Variants in PDS5A observed in about 807,000 individuals in gnomAD.
PDS5A encodes sister chromatid cohesion protein PDS5 homolog A.
A neutral mutation model predicts 167.1 loss-of-function variants in PDS5A; 42 were observed. That is an observed-to-expected ratio of 0.25 (90% CI 0.20 to 0.33). The LOEUF (loss-of-function observed/expected upper bound fraction) is 0.33, where lower values mean the gene tolerates loss of function less well. Among genes scored for constraint, PDS5A ranks in the 10% least tolerant of loss-of-function variants. PDS5A has a pLI of 1.00. For synonymous variants in PDS5A, 553 were observed against 554.6 expected (o/e 1.00, Z 0.04); for missense variants, 1,033 against 1,605.9 (o/e 0.64, Z 6.10).
chr4:39,888,008 T>C (rs544663482), intron 17 of PDS5A, among the ~76,000 whole-genome samples: 132 of 151,954 alleles, frequency 8.7e-4, no homozygotes, highest in Admixed American at 2.0e-3. Flanking sequence ...TCCCAGCACT[T>C]TGGGAGGCTG....
intron 2 of PDS5A, among the ~76,000 whole-genome samples, chr4:39,963,487 G>T (rs902616710): frequency 1.3e-5 from 2 of 151,946 alleles, no homozygotes; most frequent in African/African-American, 4.8e-5. Flanking sequence ...GCACACAGTG[G>T]CCTGTAATCC....
intron 13 of PDS5A, among the ~76,000 whole-genome samples, chr4:39,901,933 T>A (rs916697377): frequency 6.6e-6 from 1 of 152,220 alleles, no homozygotes; most frequent in Non-Finnish European, 1.5e-5. Context: ...TCAATAGTGA[T>A]CCCTTTCAGT....
At chr4:39,904,632 TACAA>T (rs1723167688) in intron 11 of PDS5A, among the ~76,000 whole-genome samples, 1 of 152,204 alleles carries the variant, frequency 6.6e-6, no homozygotes, top group African/African-American at 2.4e-5. Flanking sequence ...GCGCCCAGCC[TACAA>T]ACAATTTTGA....
chr4:39,891,795 G>A (rs138428021), intron 16 of PDS5A, among the ~76,000 whole-genome samples: 54 of 152,224 alleles, frequency 3.5e-4, no homozygotes, highest in African/African-American at 1.3e-3. Context: ...ATGGAAGGCT[G>A]ATAGATAACC....
chr4:39,974,182 A>G, intron 2 of PDS5A: 1 of 577,028 alleles, frequency 1.7e-6, no homozygotes, highest in Admixed American at 1.9e-5. Context: ...TACTGAGACC[A>G]AGTCCTCGCT....
intron 31 of PDS5A, among the ~76,000 whole-genome samples, chr4:39,841,412 C>T (rs1362197903): frequency 6.6e-6 from 1 of 152,166 alleles, no homozygotes; most frequent in African/African-American, 2.4e-5. Context: ...GCTGGGATTA[C>T]AGGCATGAGC....
chr4:39,961,984 T>C (rs935374028), intron 2 of PDS5A, among the ~76,000 whole-genome samples: 11 of 152,330 alleles, frequency 7.2e-5, no homozygotes, highest in African/African-American at 2.6e-4. Context: ...ACATTATTTC[T>C]GTTATTAAAA....
At chr4:39,959,322 C>G (rs1425117316) in intron 2 of PDS5A, among the ~76,000 whole-genome samples, 5 of 151,862 alleles carry the variant, frequency 3.3e-5, no homozygotes, top group Admixed American at 3.3e-4. Flanking sequence ...TATTTTATAC[C>G]CTAGTTGCAA....
At chr4:39,902,492 G>T in intron 12 of PDS5A, 32 bp from the exon 13 acceptor site, 5 of 1,036,502 alleles carry the variant, frequency 4.8e-6, no homozygotes, top group Admixed American at 2.3e-5. Flanking sequence ...AAAAACCTAA[G>T]TGACACAATT....
intron 2 of PDS5A, among the ~76,000 whole-genome samples, chr4:39,958,900 C>A (rs904489794): frequency 2.0e-5 from 3 of 152,142 alleles, no homozygotes; most frequent in Non-Finnish European, 2.9e-5. Context: ...TGAGCCACTG[C>A]GCCCTGCTGT....
intron 32 of PDS5A, among the ~76,000 whole-genome samples, chr4:39,826,721 G>A (rs1262141687): frequency 5.3e-5 from 8 of 151,964 alleles, no homozygotes; most frequent in African/African-American, 1.7e-4. Context: ...TCTAGACCTC[G>A]TGGTCTGCCT....
chr4:39,951,107 G>A (rs917710359), intron 2 of PDS5A, among the ~76,000 whole-genome samples: 3 of 151,946 alleles, frequency 2.0e-5, no homozygotes, highest in African/African-American at 7.3e-5. Flanking sequence ...TGCCCAGGCT[G>A]GTCTCAAATT....
intron 32 of PDS5A, 23 bp downstream of exon 32, chr4:39,837,833 T>G: frequency 1.8e-5 from 28 of 1,538,752 alleles, no homozygotes; most frequent in Non-Finnish European, 2.4e-5. Context: ...AATTCCCACT[T>G]GAGGAAGAAT....
Position 39,906,932 on chromosome 4 carries a change from A to AC in PDS5A, c.1233+1462_1233+1463insG, listed in dbSNP as rs1723422127. ...ATTTCTTACATAAAAAAAAAAAAAAAAAAAAAAAAAACAAGCAATAAAATC... is the reference window on the plus strand; with the variant it reads ...ATTTCTTACATAAAAAAAAAAAAAAACAAAAAAAAAAACAAGCAATAAAATC... On this transcript the variant is annotated intron_variant, in intron 11 of 32. Transcript: ENST00000303538. 4.0e-5 allele frequency among the ~76,000 whole-genome samples: 6 copies of AC among 151,128 alleles called. No homozygotes were observed. The South Asian group carries it at 6.2e-4, about 16-fold the overall frequency.
intron 21 of PDS5A, chr4:39,872,766 C>G: frequency 3.0e-6 from 1 of 328,716 alleles, no homozygotes; most frequent in East Asian, 4.8e-5. Flanking sequence ...TCACCAATCC[C>G]GTGTTCTAAT....
chr4:39,920,486 T>C (rs531103682), intron 6 of PDS5A, 87 bp from the exon 7 acceptor site: 2 of 494,190 alleles, frequency 4.0e-6, no homozygotes, highest in Admixed American at 3.7e-5. Context: ...TTCAAATCTG[T>C]AATAAAATAT....
Position 39,862,239 on chromosome 4 carries a change from A to T in PDS5A, c.3066T>A (p.Asp1022Glu). Residue 1022 changes from aspartate (D) to glutamate (E), a missense_variant, in exon 26 of 33, where the codon GAT becomes GAA. Transcript: ENST00000303538. ...CTTACTCTTTGATATCACGAAGCTG[A>T]TCAACATCTTGTGATCTTGTAAAAT... ...DPDFTRSQDV[D>E]QLRDIKECLW... 1 of 1,497,714 alleles carries T rather than the reference A, an allele frequency of 6.7e-7. No homozygotes were observed. Among genetic ancestry groups the T allele is most frequent in the Non-Finnish European group, 9.1e-7 (1 of 1,101,202 alleles). 92.8% of individuals were successfully genotyped at this position (1,497,714 alleles called of 1,614,324 possible). A position where few individuals can be genotyped will look rare whatever the true frequency, so the allele number is the denominator to read the frequency against.
intron 2 of PDS5A, among the ~76,000 whole-genome samples, chr4:39,968,730 C>A (rs1730223648): frequency 6.6e-6 from 1 of 150,960 alleles, no homozygotes; most frequent in African/African-American, 2.4e-5. Context: ...CTGTGCCCGG[C>A]CTGTAATATG....
intron 20 of PDS5A, among the ~76,000 whole-genome samples, chr4:39,873,573 T>A (rs371887805): frequency 1.3e-5 from 2 of 151,938 alleles, no homozygotes; most frequent in African/African-American, 4.8e-5. Flanking sequence ...TAGGAATACA[T>A]TTCTAATAGT....
Sources: gnomAD v4.1 joint callset for allele counts (sites outside exome capture counted in the v4.1 genomes callset) on GRCh38, gnomAD v4.1.1 for gene constraint, MANE v1.5 for transcripts, NCBI Gene and HGNC (gene_info 2026-07-23, HGNC 2026-07-21) for gene names.